The following SMC6 variants were observed in gnomAD, a reference collection of about 807,000 sequenced individuals.
SMC6 encodes structural maintenance of chromosomes 6.
In SMC6, 79 loss-of-function variants were observed where a neutral mutation model predicts 142.2. The ratio of observed to expected loss-of-function variants is 0.56; its 90% confidence interval spans 0.46 to 0.67. SMC6 has a LOEUF of 0.67. Ranked by LOEUF, SMC6 falls within the 30% of genes least tolerant of loss-of-function variation. The pLI is 0.00. For missense variants in SMC6, 1,072 were observed against 1,284.0 expected, an observed-to-expected ratio of 0.83 and a Z score of 2.52; for synonymous variants, 411 against 412.4, an observed-to-expected ratio of 1.00 and a Z score of 0.04.
chr2:17,674,973 TTTTAA>T (rs761527512), intron 25 of SMC6, among the ~76,000 whole-genome samples: 1 of 152,092 alleles, frequency 6.6e-6, no homozygotes, highest in Non-Finnish European at 1.5e-5. Flanking sequence ...TTCAGCCTGT[TTTTAA>T]TTTAATAATT....
chr2:17,730,444 G>T (rs1669850490), intron 7 of SMC6, among the ~76,000 whole-genome samples: 1 of 149,618 alleles, frequency 6.7e-6, no homozygotes, highest in Non-Finnish European at 1.5e-5. Flanking sequence ...AGGGAACAAT[G>T]ATGCTATTTT....
chr2:17,728,593 A>C (rs561585638), intron 7 of SMC6, among the ~76,000 whole-genome samples: 1 of 152,222 alleles, frequency 6.6e-6, no homozygotes, highest in African/African-American at 2.4e-5. Flanking sequence ...AATCCTAAGA[A>C]AAGCAAAAAG....
At chr2:17,728,998 T>C (rs1446221851) in intron 7 of SMC6, among the ~76,000 whole-genome samples, 1 of 152,038 alleles carries the variant, frequency 6.6e-6, no homozygotes, top group African/African-American at 2.4e-5. Flanking sequence ...GATCCACCCG[T>C]CTCAGCCTCC....
intron 7 of SMC6, among the ~76,000 whole-genome samples, chr2:17,727,291 G>C (rs1378251072): frequency 2.6e-5 from 4 of 152,140 alleles, no homozygotes; most frequent in African/African-American, 9.7e-5. Context: ...AGTGTGGTTG[G>C]AATATAAAGC....
Position 17,683,540 on chromosome 2 carries a change from C to T in SMC6, c.2804+98G>A, listed in dbSNP as rs1667322264. ...CCTAAGAACTGAATAACAAAGCAAG[C>T]ATTAATAGTCTCTGCTATAACAGAA... On this transcript the variant is annotated intron_variant, in intron 24 of 27. Coordinates refer to ENST00000448223, the MANE Select transcript of SMC6 (RefSeq NM_001142286.2). The T allele has an allele frequency of 2.8e-6, 3 of 1,082,432 alleles. No homozygotes were observed. In the Admixed American group the frequency reaches 7.2e-5, roughly 26 times the overall value. The allele number at this position is 1,082,432 out of a possible 1,614,324, so 67.1% of individuals were successfully genotyped here.
chr2:17,727,520 T>C (rs1027131644), intron 7 of SMC6, among the ~76,000 whole-genome samples: 1 of 151,126 alleles, frequency 6.6e-6, no homozygotes, highest in Non-Finnish European at 1.5e-5. Flanking sequence ...TATATATATA[T>C]ATATATACAC....
intron 16 of SMC6, among the ~76,000 whole-genome samples, chr2:17,710,561 G>A (rs141666722): frequency 6.6e-6 from 1 of 152,242 alleles, no homozygotes; most frequent in East Asian, 1.9e-4. Context: ...TCAGCTGTGA[G>A]GAGGAAGAAG....
chr2:17,680,092 T>C (rs748545146), intron 24 of SMC6: 2 of 152,162 alleles, frequency 1.3e-5, no homozygotes, highest in Non-Finnish European at 2.9e-5. Flanking sequence ...ATTCATTGCT[T>C]CCATTCATGG....
intron 15 of SMC6, 27 bp from the exon 16 acceptor site, chr2:17,715,092 G>T: frequency 6.3e-7 from 1 of 1,598,994 alleles, no homozygotes. Flanking sequence ...ATTACAGAAG[G>T]GCTCATAAAT....
chr2:17,677,399 ATTAG>A (rs1164316124), intron 25 of SMC6, among the ~76,000 whole-genome samples: 1 of 152,162 alleles, frequency 6.6e-6, no homozygotes, highest in Non-Finnish European at 1.5e-5. Context: ...TAACTGAAAT[ATTAG>A]TTAGGTGCCT....
intron 7 of SMC6, among the ~76,000 whole-genome samples, chr2:17,727,612 C>T (rs965601901): frequency 6.6e-5 from 10 of 151,898 alleles, no homozygotes; most frequent in Non-Finnish European, 1.2e-4. Context: ...GTTAAGATAT[C>T]AAAGTACAAT....
At chr2:17,681,109 A>G (rs1667221183) in intron 24 of SMC6, 1 of 152,264 alleles carries the variant, frequency 6.6e-6, no homozygotes, top group Non-Finnish European at 1.5e-5. Context: ...TTGCACTTTT[A>G]TATTACAAAG....
At chr2:17,673,672 C>T (rs145304798) in intron 25 of SMC6, among the ~76,000 whole-genome samples, 1,934 of 151,142 alleles carry the variant, frequency 0.013, 23 homozygotes, top group East Asian at 0.03. Flanking sequence ...CGGGTTTAAG[C>T]GATTCTCCTG....
chr2:17,709,813 T>C (rs1188041823), intron 16 of SMC6, among the ~76,000 whole-genome samples: 1 of 152,138 alleles, frequency 6.6e-6, no homozygotes, highest in Non-Finnish European at 1.5e-5. Context: ...GGCAGATACC[T>C]GAGGAAATGA....
intron 20 of SMC6, among the ~76,000 whole-genome samples, chr2:17,700,953 C>T (rs898911610): frequency 6.6e-6 from 1 of 151,686 alleles, no homozygotes. Flanking sequence ...ATTGCTTGAA[C>T]CCAGGAGGCA....
intron 5 of SMC6, among the ~76,000 whole-genome samples, chr2:17,732,732 A>G (rs1310877974): frequency 3.3e-5 from 5 of 152,038 alleles, no homozygotes; most frequent in African/African-American, 1.2e-4. Flanking sequence ...CTAAAGCCCA[A>G]AATTTCTTAA....
chr2:17,712,624 A>C (rs1332921135), intron 16 of SMC6, among the ~76,000 whole-genome samples: 2 of 152,214 alleles, frequency 1.3e-5, no homozygotes, highest in East Asian at 3.8e-4. Context: ...TATCTAGCGT[A>C]AGCCTAAATG....
At chr2:17,673,400 T>C (rs1353283481) in intron 25 of SMC6, among the ~76,000 whole-genome samples, 1 of 152,048 alleles carries the variant, frequency 6.6e-6, no homozygotes, top group Non-Finnish European at 1.5e-5. Context: ...AATCTTTTCT[T>C]TTGAGTAGGT....
intron 23 of SMC6, among the ~76,000 whole-genome samples, chr2:17,690,949 T>C (rs1667681406): frequency 6.6e-6 from 1 of 151,698 alleles, no homozygotes; most frequent in Non-Finnish European, 1.5e-5. Flanking sequence ...ATATGGAGTT[T>C]ATACTACTAA....
Sources: gnomAD v4.1 joint callset for allele counts (sites outside exome capture counted in the v4.1 genomes callset) on GRCh38, gnomAD v4.1.1 for gene constraint, MANE v1.5 for transcripts, NCBI Gene and HGNC (gene_info 2026-07-23, HGNC 2026-07-21) for gene names.